AP1M1: variants seen among roughly 807,000 people sequenced by gnomAD.
AP1M1 encodes AP-1 complex subunit mu-1.
A neutral mutation model predicts 57.1 loss-of-function variants in AP1M1; 18 were observed. The ratio of observed to expected loss-of-function variants is 0.32; its 90% confidence interval spans 0.22 to 0.47. The LOEUF (loss-of-function observed/expected upper bound fraction) is 0.47. Ranked by LOEUF, AP1M1 falls within the 20% of genes least tolerant of loss-of-function variation. The pLI, the probability that AP1M1 is intolerant of heterozygous loss-of-function variation, is 1.00. For missense variants in AP1M1, 362 were observed against 593.5 expected (o/e 0.61, Z 4.05); for synonymous variants, 241 against 237.9 (o/e 1.01, Z -0.12).
chr19:16,234,423 C>T lies in AP1M1; in HGVS notation c.1260C>T (p.Leu420=). ...RYITQNGDYQ[L]RTQ is the part of the protein sequence containing the mutation. ...CCTCCTGTCTCCTAGATTACCAGCT[C>T]CGGACCCAGTGAGGGGCTGTCGCAG... The change falls in exon 12 of 12, where the codon CTC becomes CTT. Residue 420 remains leucine (L), a synonymous_variant. Transcript: ENST00000291439. 1 of 1,613,882 alleles carries T rather than the reference C, an allele frequency of 6.2e-7. No individual in the cohort carries two copies. The highest frequency in any genetic ancestry group is 8.5e-7 in the Non-Finnish European group (1 of 1,179,946).
chr19:16,235,380 CCT>C lies in AP1M1; in HGVS notation c.*947_*948del, dbSNP rs1412024748. The C allele has an allele frequency of 2.6e-5, 4 of 152,286 alleles. No individual in the cohort carries two copies. The highest frequency in any genetic ancestry group is 5.9e-5 in the Non-Finnish European group (4 of 68,066). The allele number at this position is 152,286 out of a possible 1,614,324, so 9.4% of individuals were successfully genotyped here. ...CCTCTGATGCAGCGTGGTCCCAACT[CCT>C]CCTGCGTGACCACAGGGCTTGCCTG... On this transcript the variant is annotated 3_prime_UTR_variant, in exon 12 of 12. Transcript: ENST00000291439.
At chr19:16,226,647 GT>G (rs1176579185) in intron 6 of AP1M1, 100 bp downstream of exon 6, 1 of 1,423,148 alleles carries the variant, frequency 7.0e-7, no homozygotes, top group Non-Finnish European at 9.3e-7. Context: ...GAACGAGCTG[GT>G]TTCAAGCACT....
Position 16,206,241 on chromosome 19 carries a change from C to G in AP1M1, c.200-100C>G. The G allele has an allele frequency of 8.2e-7, 1 of 1,222,048 alleles. No individual in the cohort carries two copies. The highest frequency in any genetic ancestry group is 1.2e-6 in the Non-Finnish European group (1 of 836,780). 75.7% of individuals were successfully genotyped at this position (1,222,048 alleles called of 1,614,324 possible). A position where few individuals can be genotyped will look rare whatever the true frequency, so the allele number is the denominator to read the frequency against. On this transcript the variant is annotated intron_variant, in intron 2 of 11. Transcript: ENST00000291439. This position sits in a 1 kb window ranked among gnomAD's most constrained non-coding sequence, Gnocchi z 4.3. ...CGGCTGGGAGTGGGGATAGGGAAGG[C>G]TCTGAGGGTTGTGAGGGTTAGGGGG...
chr19:16,234,305 T>G (rs1421131077), intron 11 of AP1M1, 31 bp downstream of exon 11: 3 of 1,612,512 alleles, frequency 1.9e-6, no homozygotes, highest in Non-Finnish European at 2.5e-6. Flanking sequence ...GGGGTGGGGT[T>G]GTACTGAGGG....
In AP1M1 at chr19:16,244,537, G is replaced by A. The variant is rs2091655895; in HGVS notation, c.*10102G>A. Reference sequence around the variant, plus strand: ...TGCAGGGAGTAAACTGAGTTAAAATGTTCCAAGTTAATGACTGTCTGGGAG... The same window carrying A: ...TGCAGGGAGTAAACTGAGTTAAAATATTCCAAGTTAATGACTGTCTGGGAG... On this transcript the variant is annotated 3_prime_UTR_variant, in exon 12 of 12. Coordinates refer to ENST00000291439, the MANE Select transcript of AP1M1 (RefSeq NM_032493.4). 1 of 152,208 alleles carries A rather than the reference G, an allele frequency of 6.6e-6. No homozygotes were observed. Among genetic ancestry groups the A allele is most frequent in the Non-Finnish European group, 1.5e-5 (1 of 68,042 alleles). 9.4% of individuals were successfully genotyped at this position (152,208 alleles called of 1,614,324 possible). A position where few individuals can be genotyped will look rare whatever the true frequency, so the allele number is the denominator to read the frequency against.
At chr19:16,219,924 G>A (rs147101549) in intron 5 of AP1M1, among the ~76,000 whole-genome samples, 109 of 152,106 alleles carry the variant, frequency 7.2e-4, no homozygotes, top group African/African-American at 2.5e-3. Context: ...TGCTTAACCT[G>A]TATTCTTTTT....
chr19:16,210,435 T>C, intron 5 of AP1M1: 2 of 716,534 alleles, frequency 2.8e-6, no homozygotes, highest in Non-Finnish European at 5.2e-6. Flanking sequence ...TGCCAAACCA[T>C]TGCTGTTTTG....
At position 16,214,910 on chromosome 19, in the gene AP1M1, G is replaced by T. The variant is rs11880575; in HGVS notation, c.546+5733G>T. Among the ~76,000 whole-genome samples, 294 of 151,530 alleles carry T rather than the reference G, an allele frequency of 1.9e-3. 2 individuals carry two copies. The highest frequency in any genetic ancestry group is 6.9e-3 in the African/African-American group (283 of 41,270). On this transcript the variant is annotated intron_variant, in intron 5 of 11. Transcript: ENST00000291439. ...ACTATAGGCAGGTACCACCACACCC[G>T]GCTAATGTATATGTTTTTGGTAGAG...
chr19:16,242,637 A>G lies in AP1M1; in HGVS notation c.*8202A>G, dbSNP rs1188845513. The G allele has an allele frequency of 4.6e-5, 7 of 152,268 alleles. No homozygotes were observed. Among genetic ancestry groups the G allele is most frequent in the Non-Finnish European group, 1.0e-4 (7 of 68,044 alleles). The allele number at this position is 152,268 out of a possible 1,614,324, so 9.4% of individuals were successfully genotyped here. A position where few individuals can be genotyped will look rare whatever the true frequency, so the allele number is the denominator to read the frequency against. On this transcript the variant is annotated 3_prime_UTR_variant, in exon 12 of 12. Coordinates refer to ENST00000291439, the MANE Select transcript of AP1M1 (RefSeq NM_032493.4). The stretch of plus-strand genomic sequence containing the variant: ...AAGTAAAAAAACATTAAAAGATGTG[A>G]CACTTAAAATATAAGCACACAACAC...
chr19:16,204,304 G>A (rs1290367363), intron 2 of AP1M1, among the ~76,000 whole-genome samples: 1 of 152,086 alleles, frequency 6.6e-6, no homozygotes, highest in African/African-American at 2.4e-5. Flanking sequence ...GGCCAAGCCA[G>A]TTTCTATCCA....
In AP1M1 at chr19:16,242,641, TTAAAA is replaced by T. The variant is rs781058408; in HGVS notation, c.*8209_*8213del. The T allele has an allele frequency of 1.3e-4, 20 of 152,206 alleles. No homozygotes were observed. Among genetic ancestry groups the T allele is most frequent in the Non-Finnish European group, 2.6e-4 (18 of 68,044 alleles). 9.4% of individuals were successfully genotyped at this position (152,206 alleles called of 1,614,324 possible). A position where few individuals can be genotyped will look rare whatever the true frequency, so the allele number is the denominator to read the frequency against. On this transcript the variant is annotated 3_prime_UTR_variant, in exon 12 of 12. Transcript: ENST00000291439. ...AAAAAAACATTAAAAGATGTGACACTTAAAATATAAGCACACAACACAGTTAAAAG... is the reference window on the plus strand; with the variant it reads ...AAAAAAACATTAAAAGATGTGACACTTATAAGCACACAACACAGTTAAAAG...
rs755893744 is a variant in AP1M1, at chr19:16,203,323, C to A, written c.43-136C>A. On this transcript the variant is annotated intron_variant, in intron 1 of 11. Coordinates refer to ENST00000291439, the MANE Select transcript of AP1M1 (RefSeq NM_032493.4). The surrounding 1 kb of genome is among the most constrained non-coding windows in gnomAD (Gnocchi z 4.6). ...GATGGAGATCAGAACGGCCTCAAGTCCTGCTCTTTTGCGGATAGTGGCCAT... is the reference window on the plus strand; with the variant it reads ...GATGGAGATCAGAACGGCCTCAAGTACTGCTCTTTTGCGGATAGTGGCCAT... The A allele has an allele frequency of 1.2e-6, 1 of 838,928 alleles. No homozygotes were observed. The highest frequency in any genetic ancestry group is 1.9e-6 in the Non-Finnish European group (1 of 526,328). 52.0% of individuals were successfully genotyped at this position (838,928 alleles called of 1,614,324 possible).
intron 9 of AP1M1, among the ~76,000 whole-genome samples, chr19:16,231,099 T>C (rs530688538): frequency 1.3e-4 from 19 of 151,866 alleles, no homozygotes; most frequent in Middle Eastern, 3.4e-3. Context: ...CCATCCTGGC[T>C]AACATGGTGA....
rs1455612089 is a variant in AP1M1 at position 16,203,581 on chromosome 19, C to A, written c.165C>A (p.Val55=). 6.2e-7 allele frequency: 1 copy of A among 1,613,716 alleles called. No homozygotes were observed. Among genetic ancestry groups the A allele is most frequent in the Non-Finnish European group, 8.5e-7 (1 of 1,179,788 alleles). ...MLSPILAHGG[V]RFMWIKHNNL... ...CGCCCATCCTGGCCCACGGGGGGGTCCGTTTCATGTGGATCAAACACAACA... is the reference window on the plus strand; with the variant it reads ...CGCCCATCCTGGCCCACGGGGGGGTACGTTTCATGTGGATCAAACACAACA... Residue 55 remains valine (V), a synonymous_variant, in exon 2 of 12, where the codon GTC becomes GTA. Transcript: ENST00000291439. The surrounding 1 kb of genome is among the most constrained non-coding windows in gnomAD (Gnocchi z 4.6).
rs1555726662 is a variant in AP1M1 at position 16,244,882 on chromosome 19, T to TTGTTGTTGTTG, written c.*10448_*10449insGTTGTTGTTGT. 3.3e-5 allele frequency: 5 copies of TTGTTGTTGTTG among 149,574 alleles called. No individual in the cohort carries two copies. The highest frequency in any genetic ancestry group is 2.0e-4 in the East Asian group (1 of 5,094). 9.3% of individuals were successfully genotyped at this position (149,574 alleles called of 1,614,324 possible). On this transcript the variant is annotated 3_prime_UTR_variant, in exon 12 of 12. Transcript: ENST00000291439. ...TAAATAACATGGATAAAATTTGTTG[T>TTGTTGTTGTTG]TTGTTGTTGTTGTTGTTGTTGTTGT...
intron 5 of AP1M1, chr19:16,210,435 T>A: frequency 1.4e-6 from 1 of 716,534 alleles, no homozygotes; most frequent in African/African-American, 1.7e-5. Flanking sequence ...TGCCAAACCA[T>A]TGCTGTTTTG....
chr19:16,233,433 A>G (rs2091607484), intron 9 of AP1M1, 60 bp from the exon 10 acceptor site: 2 of 1,498,848 alleles, frequency 1.3e-6, no homozygotes, highest in Non-Finnish European at 1.8e-6. Flanking sequence ...CTAGGGCCAG[A>G]GCTGTTGGCT....
chr19:16,205,634 C>G (rs2091466382), intron 2 of AP1M1, among the ~76,000 whole-genome samples: 1 of 152,098 alleles, frequency 6.6e-6, no homozygotes, highest in African/African-American at 2.4e-5. Flanking sequence ...CATGGGCCTA[C>G]AGAGGAAGAA....
chr19:16,203,652 G>A lies in AP1M1; in HGVS notation c.199+37G>A, dbSNP rs780166635. 3.8e-6 allele frequency: 6 copies of A among 1,571,734 alleles called. No individual in the cohort carries two copies. The highest frequency in any genetic ancestry group is 2.2e-5 in the East Asian group (1 of 44,536). On this transcript the variant is annotated intron_variant, in intron 2 of 11. Transcript: ENST00000291439. The surrounding 1 kb of genome is among the most constrained non-coding windows in gnomAD (Gnocchi z 4.6). ...CTGGGGGTGCTCCCAGGGGACTCCT[G>A]TGTGGGTGTTGGTGTGTGTGCATAT...
Sources: allele counts gnomAD v4.1 joint callset (sites outside exome capture counted in the v4.1 genomes callset), GRCh38; gene constraint gnomAD v4.1.1; non-coding constraint Gnocchi (gnomAD v3.1); transcripts MANE v1.5; gene names NCBI Gene and HGNC (gene_info 2026-07-23, HGNC 2026-07-21).